Variants in DTNBP1 observed in about 807,000 individuals in gnomAD.
DTNBP1 encodes the protein dystrobrevin binding protein 1, also known as dysbindin.
In DTNBP1, 35 loss-of-function variants were observed where a neutral mutation model predicts 42.8. That is an observed-to-expected ratio of 0.82 (90% CI 0.63 to 1.09). The LOEUF (loss-of-function observed/expected upper bound fraction) is 1.09. Among genes scored for constraint, DTNBP1 ranks in the 50% least tolerant of loss-of-function variants. The pLI is 0.00. For missense variants in DTNBP1, 457 were observed against 424.2 expected, an observed-to-expected ratio of 1.08 and a Z score of -0.68; for synonymous variants, 171 against 162.2, an observed-to-expected ratio of 1.05 and a Z score of -0.41.
intron 7 of DTNBP1, among the ~76,000 whole-genome samples, chr6:15,590,511 G>A (rs1279096850): frequency 6.6e-6 from 1 of 152,034 alleles, no homozygotes; most frequent in Non-Finnish European, 1.5e-5. Context: ...AATGTCTTAT[G>A]TCTTTAAAGA....
At chr6:15,541,423 A>G (rs758294498) in intron 7 of DTNBP1, among the ~76,000 whole-genome samples, 1 of 152,226 alleles carries the variant, frequency 6.6e-6, no homozygotes, top group African/African-American at 2.4e-5. Flanking sequence ...CATTTTCTAC[A>G]AGGAAAAATG....
intron 7 of DTNBP1, among the ~76,000 whole-genome samples, chr6:15,572,758 G>T (rs935367718): frequency 6.6e-6 from 1 of 152,196 alleles, no homozygotes; most frequent in Admixed American, 6.5e-5. Flanking sequence ...TAGAGACAGA[G>T]TCTTGCTCTG....
intron 5 of DTNBP1, among the ~76,000 whole-genome samples, chr6:15,616,285 T>C (rs1758709482): frequency 6.6e-6 from 1 of 152,218 alleles, no homozygotes; most frequent in African/African-American, 2.4e-5. Context: ...GTCAAAGATT[T>C]GAGAACTCAG....
At chr6:15,586,089 A>C in intron 7 of DTNBP1, 1 of 1,049,192 alleles carries the variant, frequency 9.5e-7, no homozygotes, top group Non-Finnish European at 1.2e-6. Flanking sequence ...AAATAACTAA[A>C]TCCAACAGAA....
chr6:15,587,377 T>C lies in DTNBP1; in HGVS notation c.511+5682A>G, dbSNP rs1369218326. On this transcript the variant is annotated intron_variant, in intron 7 of 9. Transcript: ENST00000344537. This position sits in a 1 kb window ranked among gnomAD's most constrained non-coding sequence, Gnocchi z 4.1. The stretch of plus-strand genomic sequence containing the variant: ...TCCCTATTCAAGTCTCAGTAGGCTC[T>C]TTCCTTTGTTAGAATTGTCAAAATG... Among the ~76,000 whole-genome samples the C allele has an allele frequency of 6.6e-6, 1 of 152,210 alleles. No homozygotes were observed. The highest frequency in any genetic ancestry group is 1.5e-5 in the Non-Finnish European group (1 of 68,032).
chr6:15,633,396 G>A lies in DTNBP1; in HGVS notation c.222+4348C>T, dbSNP rs140784684. ...CCATCACACAACATTCATGACTCAT[G>A]GGAGGAAATCAAAATACCAACATTA... On this transcript the variant is annotated intron_variant, in intron 4 of 9. Transcript: ENST00000344537. 3.3e-4 allele frequency among the ~76,000 whole-genome samples: 50 copies of A among 152,290 alleles called. 1 individual carries two copies. The East Asian group carries it at 9.3e-3, about 28-fold the overall frequency.
At chr6:15,625,855 C>T in intron 5 of DTNBP1, among the ~76,000 whole-genome samples, 1 of 152,178 alleles carries the variant, frequency 6.6e-6, no homozygotes, top group East Asian at 1.9e-4. Flanking sequence ...GAAGAATGTT[C>T]CGAACATCTT....
intron 7 of DTNBP1, among the ~76,000 whole-genome samples, chr6:15,592,255 A>G (rs948025120): frequency 6.6e-6 from 1 of 152,262 alleles, no homozygotes; most frequent in African/African-American, 2.4e-5. Context: ...CGTGAAGTAT[A>G]ATAAGCATAA....
At chr6:15,660,483 A>G in intron 1 of DTNBP1, 2 of 1,289,822 alleles carry the variant, frequency 1.6e-6, no homozygotes, top group Non-Finnish European at 2.0e-6. Flanking sequence ...GGCTAATGGC[A>G]CACACTGACA....
intron 7 of DTNBP1, among the ~76,000 whole-genome samples, chr6:15,547,025 C>G (rs1445529015): frequency 6.7e-6 from 1 of 150,276 alleles, no homozygotes; most frequent in African/African-American, 2.5e-5. Context: ...AATTTTTAAG[C>G]CACATCTGAC....
chr6:15,533,733 A>C (rs1015161473), intron 7 of DTNBP1: 2 of 486,704 alleles, frequency 4.1e-6, no homozygotes, highest in Admixed American at 4.6e-5. Flanking sequence ...CCTTCTACTA[A>C]CTCCAGTGGA....
intron 7 of DTNBP1, among the ~76,000 whole-genome samples, chr6:15,561,314 T>C (rs759772278): frequency 2.0e-5 from 3 of 152,242 alleles, no homozygotes; most frequent in Non-Finnish European, 2.9e-5. Context: ...CTTATTTAGT[T>C]TACTTGAGAT....
chr6:15,552,901 G>A (rs1774292439), intron 7 of DTNBP1, among the ~76,000 whole-genome samples: 1 of 152,138 alleles, frequency 6.6e-6, no homozygotes, highest in African/African-American at 2.4e-5. Flanking sequence ...AAACTCAAAA[G>A]TGATTGTGAA....
At chr6:15,633,600 T>C (rs983788766) in intron 4 of DTNBP1, among the ~76,000 whole-genome samples, 3 of 152,238 alleles carry the variant, frequency 2.0e-5, no homozygotes, top group Admixed American at 6.5e-5. Flanking sequence ...GAGGAGTTGA[T>C]TGACTCCAAT....
chr6:15,526,338 T>A (rs1051718346), intron 8 of DTNBP1, among the ~76,000 whole-genome samples: 3 of 152,116 alleles, frequency 2.0e-5, no homozygotes, highest in Non-Finnish European at 4.4e-5. Flanking sequence ...CAAATTACCC[T>A]CCTGAACAAA....
At chr6:15,601,741 G>C (rs1776737018) in intron 6 of DTNBP1, among the ~76,000 whole-genome samples, 2 of 151,832 alleles carry the variant, frequency 1.3e-5, no homozygotes, top group Non-Finnish European at 2.9e-5. Flanking sequence ...AGCTTCTCAG[G>C]AGGCTGAGGC....
chr6:15,586,510 A>G (rs1339544433), intron 7 of DTNBP1, among the ~76,000 whole-genome samples: 3 of 151,226 alleles, frequency 2.0e-5, no homozygotes, highest in Non-Finnish European at 4.4e-5. Context: ...TCATACAAAT[A>G]TACTCAACTT....
chr6:15,554,897 A>T (rs187348025), intron 7 of DTNBP1, among the ~76,000 whole-genome samples: 4 of 152,146 alleles, frequency 2.6e-5, no homozygotes, highest in Admixed American at 2.0e-4. Context: ...TATGGGAAAA[A>T]ATGCTGGTCA....
At chr6:15,645,923 G>A (rs2113793400) in intron 3 of DTNBP1, among the ~76,000 whole-genome samples, 1 of 152,088 alleles carries the variant, frequency 6.6e-6, no homozygotes, top group South Asian at 2.1e-4. Flanking sequence ...ACATAATACT[G>A]GAAGTCCTAG....
Sources: gnomAD v4.1 joint callset for allele counts (sites outside exome capture counted in the v4.1 genomes callset) on GRCh38, gnomAD v4.1.1 for gene constraint, Gnocchi (gnomAD v3.1) non-coding constraint, MANE v1.5 for transcripts, NCBI Gene and HGNC (gene_info 2026-07-23, HGNC 2026-07-21) for gene names.